Variants in VIL1 observed in about 807,000 individuals in gnomAD.
The protein encoded by VIL1 is villin-1.
A neutral mutation model predicts 104.0 loss-of-function variants in VIL1; 86 were observed. That is an observed-to-expected ratio of 0.83 (90% CI 0.69 to 0.99). VIL1 has a LOEUF of 0.99. Ranked by LOEUF, VIL1 falls within the 50% of genes least tolerant of loss-of-function variation. VIL1 has a pLI of 0.00. For synonymous variants in VIL1, 394 were observed against 412.6 expected (o/e 0.95, Z 0.55); for missense variants, 944 against 1,054.1 (o/e 0.90, Z 1.45).
chr2:218,429,215 G>T (rs1387850533), intron 6 of VIL1, 70 bp from the exon 7 acceptor site: 4 of 1,531,834 alleles, frequency 2.6e-6, no homozygotes, highest in Non-Finnish European at 3.5e-6. Flanking sequence ...TTGCCTGGCA[G>T]GGTGTAGGGT....
At position 218,428,092 on chromosome 2, in the gene VIL1, A is replaced by G; in HGVS notation, c.456+19A>G. 6.2e-7 allele frequency: 1 copy of G among 1,612,610 alleles called. No homozygotes were observed. Among genetic ancestry groups the G allele is most frequent in the Non-Finnish European group, 8.5e-7 (1 of 1,178,732 alleles). ...TGGAGAGGTAGGCAGGCCCCACTGG[A>G]GCATCGGCCAGGGCTGTGAGGCCCA... is the stretch of plus-strand genomic sequence containing the variant. On this transcript the variant is annotated intron_variant, in intron 5 of 19. Coordinates refer to ENST00000248444, the MANE Select transcript of VIL1 (RefSeq NM_007127.3).
In VIL1 at chr2:218,435,486, A is replaced by T. The variant is rs572290358; in HGVS notation, c.1826+52A>T. 8 of 1,591,454 alleles carry T rather than the reference A, an allele frequency of 5.0e-6. No individual in the cohort carries two copies. In the South Asian group the frequency reaches 6.9e-5, roughly 14 times the overall value. Reference sequence around the variant, plus strand: ...GGTTACCAAGGTGGGGGAGCCGCCCAGCATCTCCATCCCTACACCCAGAGC... The same window carrying T: ...GGTTACCAAGGTGGGGGAGCCGCCCTGCATCTCCATCCCTACACCCAGAGC... On this transcript the variant is annotated intron_variant, in intron 15 of 19. Coordinates refer to ENST00000248444, the MANE Select transcript of VIL1 (RefSeq NM_007127.3).
At chr2:218,439,230 C>A (rs1689243649) in intron 18 of VIL1, among the ~76,000 whole-genome samples, 1 of 151,998 alleles carries the variant, frequency 6.6e-6, no homozygotes, top group African/African-American at 2.4e-5. Flanking sequence ...CACACCTGGC[C>A]TGGTTCTCAA....
rs1192826097 is a variant in VIL1 at position 218,453,232 on chromosome 2, T to C, written c.*3896T>C. ...CTTTCAGAAAAGATGTTGCATCTTC[T>C]GTGATGATGGTTTGTGTTTTTTTTG... is the stretch of plus-strand genomic sequence containing the variant. On this transcript the variant is annotated 3_prime_UTR_variant, in exon 20 of 20. Coordinates refer to ENST00000248444, the MANE Select transcript of VIL1 (RefSeq NM_007127.3). The C allele has an allele frequency of 1.3e-5, 2 of 151,978 alleles. No homozygotes were observed. The highest frequency in any genetic ancestry group is 6.6e-5 in the Admixed American group (1 of 15,262). The allele number at this position is 151,978 out of a possible 1,614,324, so 9.4% of individuals were successfully genotyped here.
At chr2:218,442,569 C>G (rs1367505984) in intron 19 of VIL1, among the ~76,000 whole-genome samples, 1 of 152,034 alleles carries the variant, frequency 6.6e-6, no homozygotes, top group Non-Finnish European at 1.5e-5. Flanking sequence ...TTTCTGGGCT[C>G]AAGTGATCCT....
In VIL1 at chr2:218,436,633, C is replaced by A. The variant is rs762507861; in HGVS notation, c.1971+7C>A. ...ACTAGATGTCTGGGACCAGGTAGGACCAAGGGCCTGGGGACCCCTCTTCCC... is the reference window on the plus strand; with the variant it reads ...ACTAGATGTCTGGGACCAGGTAGGAACAAGGGCCTGGGGACCCCTCTTCCC... On this transcript the variant is annotated splice_region_variant and intron_variant, in intron 16 of 19. Coordinates refer to ENST00000248444, the MANE Select transcript of VIL1 (RefSeq NM_007127.3). 1 of 1,612,968 alleles carries A rather than the reference C, an allele frequency of 6.2e-7. No individual in the cohort carries two copies. Among genetic ancestry groups the A allele is most frequent in the Admixed American group, 1.7e-5 (1 of 59,866 alleles).
intron 6 of VIL1, among the ~76,000 whole-genome samples, chr2:218,429,070 C>T (rs956364225): frequency 7.2e-5 from 11 of 152,206 alleles, no homozygotes; most frequent in African/African-American, 2.7e-4. Context: ...TGAGCACCTC[C>T]CTGACAGTGG....
At chr2:218,438,145 G>C (rs888444699) in intron 17 of VIL1, among the ~76,000 whole-genome samples, 2 of 151,162 alleles carry the variant, frequency 1.3e-5, no homozygotes, top group Middle Eastern at 3.2e-3. Flanking sequence ...GTGTGTGCTG[G>C]CTTCTCTCTC....
At chr2:218,447,017 G>T (rs1180996672) in intron 19 of VIL1, among the ~76,000 whole-genome samples, 1 of 152,140 alleles carries the variant, frequency 6.6e-6, no homozygotes, top group African/African-American at 2.4e-5. Context: ...ACTCGCCTTG[G>T]CCTCCCAAAG....
intron 15 of VIL1, 136 bp from the exon 16 acceptor site, chr2:218,436,346 T>C (rs990109342): frequency 2.5e-6 from 3 of 1,199,946 alleles, no homozygotes; most frequent in Non-Finnish European, 3.5e-6. Flanking sequence ...GGGGACCCTT[T>C]TATCAATCAG....
chr2:218,433,038 G>A, intron 13 of VIL1, 87 bp downstream of exon 13: 1 of 1,544,418 alleles, frequency 6.5e-7, no homozygotes, highest in Non-Finnish European at 8.9e-7. Flanking sequence ...GGTGGTGGGA[G>A]CAGGGCTTGA....
intron 19 of VIL1, among the ~76,000 whole-genome samples, chr2:218,445,333 G>C (rs915769145): frequency 6.6e-6 from 1 of 152,116 alleles, no homozygotes; most frequent in Non-Finnish European, 1.5e-5. Flanking sequence ...CCAGGAGATT[G>C]GGGCTGCAGG....
chr2:218,430,912 G>A (rs1411504878), intron 10 of VIL1, 34 bp downstream of exon 10: 1 of 1,593,834 alleles, frequency 6.3e-7, no homozygotes, highest in Non-Finnish European at 8.5e-7. Context: ...AGGGAGCCAG[G>A]ATCCAGGAGC....
intron 3 of VIL1, among the ~76,000 whole-genome samples, chr2:218,424,800 G>A (rs1357470615): frequency 6.6e-6 from 1 of 152,068 alleles, no homozygotes; most frequent in African/African-American, 2.4e-5. Context: ...TGGACTACAG[G>A]CACGTGCCAC....
chr2:218,429,531 G>A (rs1689059083), intron 7 of VIL1, 44 bp downstream of exon 7: 2 of 1,613,590 alleles, frequency 1.2e-6, no homozygotes, highest in Non-Finnish European at 1.7e-6. Flanking sequence ...GGACTCCCTG[G>A]GAGAAGGTGC....
intron 5 of VIL1, 28 bp from the exon 6 acceptor site, chr2:218,428,199 G>A: frequency 6.2e-7 from 1 of 1,609,920 alleles, no homozygotes; most frequent in Non-Finnish European, 8.5e-7. Context: ...CTCTGAGTGG[G>A]GTCTGTGCCT....
chr2:218,420,107 C>A (rs1422500581), intron 1 of VIL1, among the ~76,000 whole-genome samples: 1 of 152,126 alleles, frequency 6.6e-6, no homozygotes, highest in East Asian at 1.9e-4. Context: ...AACAGAGCCG[C>A]AACTCAAGTA....
intron 19 of VIL1, 116 bp from the exon 20 acceptor site, chr2:218,449,106 TC>T (rs1689421425): frequency 4.0e-6 from 3 of 743,360 alleles, no homozygotes; most frequent in Non-Finnish European, 4.8e-6. Flanking sequence ...TTCTGTTTAC[TC>T]TTCATTTATT....
rs368182850 is a variant in VIL1 at position 218,428,082 on chromosome 2, G to T, written c.456+9G>T. 54 of 1,613,770 alleles carry T rather than the reference G, an allele frequency of 3.3e-5. No individual in the cohort carries two copies. Among genetic ancestry groups the T allele is most frequent in the Non-Finnish European group, 4.4e-5 (52 of 1,179,680 alleles). On this transcript the variant is annotated intron_variant, in intron 5 of 19. Coordinates refer to ENST00000248444, the MANE Select transcript of VIL1 (RefSeq NM_007127.3). ...ACGTGGTAGCTGGAGAGGTAGGCAG[G>T]CCCCACTGGAGCATCGGCCAGGGCT...
Sources: gnomAD v4.1 joint callset for allele counts (sites outside exome capture counted in the v4.1 genomes callset) on GRCh38, gnomAD v4.1.1 for gene constraint, MANE v1.5 for transcripts, NCBI Gene and HGNC (gene_info 2026-07-23, HGNC 2026-07-21) for gene names.